DACH1: variants seen among roughly 807,000 people sequenced by gnomAD.
DACH1 encodes dachshund homolog 1.
DACH1 carries 12 observed loss-of-function variants against 54.2 expected under a neutral mutation model. The ratio of observed to expected loss-of-function variants is 0.22; its 90% CI spans 0.14 to 0.36. The LOEUF is 0.36. Among genes scored for constraint, DACH1 ranks in the 10% least tolerant of loss-of-function variants. The pLI is 1.00. For synonymous variants in DACH1, 386 were observed against 366.2 expected (o/e 1.05, Z -0.62); for missense variants, 805 against 929.8 (o/e 0.87, Z 1.75).
At chr13:71,441,948 T>C (rs945854249) in intron 10 of DACH1, among the ~76,000 whole-genome samples, 2 of 152,086 alleles carry the variant, frequency 1.3e-5, no homozygotes, top group African/African-American at 4.8e-5. Flanking sequence ...ATTTATGGGA[T>C]ACACTGCATA....
At chr13:71,754,084 C>T (rs536340400) in intron 1 of DACH1, among the ~76,000 whole-genome samples, 3 of 152,214 alleles carry the variant, frequency 2.0e-5, no homozygotes, top group African/African-American at 7.2e-5. Context: ...TGGAGTATTA[C>T]TTTTATTTTC....
At chr13:71,474,741 A>T (rs960535623) in intron 10 of DACH1, among the ~76,000 whole-genome samples, 3 of 152,178 alleles carry the variant, frequency 2.0e-5, no homozygotes. Context: ...AACTGTCATA[A>T]AAATGAGTAG....
At chr13:71,580,371 T>C (rs1566356246) in intron 3 of DACH1, among the ~76,000 whole-genome samples, 1 of 152,178 alleles carries the variant, frequency 6.6e-6, no homozygotes, top group Non-Finnish European at 1.5e-5. Flanking sequence ...ATATTGTAAT[T>C]TCCCTATGGA....
chr13:71,784,065 AAT>A (rs1886494536), intron 1 of DACH1, among the ~76,000 whole-genome samples: 1 of 152,104 alleles, frequency 6.6e-6, no homozygotes, highest in African/African-American at 2.4e-5. Flanking sequence ...GCCTTTATGA[AAT>A]AGAGAGAGTA....
chr13:71,603,619 T>C (rs888650845), intron 3 of DACH1, among the ~76,000 whole-genome samples: 2 of 151,962 alleles, frequency 1.3e-5, no homozygotes, highest in Non-Finnish European at 2.9e-5. Flanking sequence ...CTTTTCTGTG[T>C]CACATGAAAC....
intron 1 of DACH1, among the ~76,000 whole-genome samples, chr13:71,811,314 A>T (rs1181347769): frequency 6.6e-6 from 1 of 152,186 alleles, no homozygotes; most frequent in Non-Finnish European, 1.5e-5. Context: ...ATAATTAAAA[A>T]GTAGTTATTT....
intron 1 of DACH1, among the ~76,000 whole-genome samples, chr13:71,843,352 A>G (rs962751598): frequency 3.3e-5 from 5 of 152,084 alleles, no homozygotes; most frequent in Admixed American, 3.3e-4. Context: ...CACAACCTCA[A>G]CCTCTGGGGT....
intron 1 of DACH1, among the ~76,000 whole-genome samples, chr13:71,820,128 A>AAG (rs1888127960): frequency 6.7e-6 from 1 of 149,302 alleles, no homozygotes; most frequent in Non-Finnish European, 1.5e-5. Context: ...AAAAAAAAAA[A>AAG]GAATAGGGGC....
chr13:71,539,913 T>A (rs1042590693), intron 6 of DACH1, among the ~76,000 whole-genome samples: 5 of 152,018 alleles, frequency 3.3e-5, no homozygotes, highest in African/African-American at 1.2e-4. Context: ...ATTTTTTACT[T>A]TGTTTTAAAA....
chr13:71,615,212 T>A (rs1280450644), intron 3 of DACH1, among the ~76,000 whole-genome samples: 1 of 152,178 alleles, frequency 6.6e-6, no homozygotes, highest in Non-Finnish European at 1.5e-5. Context: ...AAATACAACT[T>A]CTATTTAAAA....
intron 2 of DACH1, among the ~76,000 whole-genome samples, chr13:71,677,516 TG>T (rs1880648011): frequency 6.6e-6 from 1 of 150,966 alleles, no homozygotes; most frequent in Non-Finnish European, 1.5e-5. Flanking sequence ...GTTTTGTATT[TG>T]TTTTTGTTTT....
intron 3 of DACH1, among the ~76,000 whole-genome samples, chr13:71,609,988 T>C (rs1648395761): frequency 6.6e-6 from 1 of 152,160 alleles, no homozygotes; most frequent in African/African-American, 2.4e-5. Flanking sequence ...ACATAGTCTT[T>C]ATAAATTTGA....
chr13:71,529,183 G>GTTTT (rs10707603), intron 6 of DACH1, among the ~76,000 whole-genome samples: 1 of 80,968 alleles, frequency 1.2e-5, no homozygotes, highest in African/African-American at 4.4e-5. Flanking sequence ...TGTGATTTGG[G>GTTTT]TTTTTTTTTT....
intron 1 of DACH1, among the ~76,000 whole-genome samples, chr13:71,748,898 C>CTTTCTT (rs1368876638): frequency 1.3e-4 from 5 of 39,582 alleles, no homozygotes; most frequent in Non-Finnish European, 2.4e-4. Context: ...TTCTTTCTTT[C>CTTTCTT]TCTTTCTTTC....
At chr13:71,714,360 G>A (rs1882874927) in intron 1 of DACH1, among the ~76,000 whole-genome samples, 1 of 150,092 alleles carries the variant, frequency 6.7e-6, no homozygotes, top group Admixed American at 6.6e-5. Context: ...AAACAAAACA[G>A]GACATGGGCC....
intron 1 of DACH1, among the ~76,000 whole-genome samples, chr13:71,778,285 C>T (rs1886151486): frequency 6.6e-6 from 1 of 151,964 alleles, no homozygotes; most frequent in Non-Finnish European, 1.5e-5. Context: ...AGATTTCTGA[C>T]AATTAACTCA....
Position 71,496,261 on chromosome 13 carries a change from GTATATATATATATATATATATATATATA to G in DACH1, c.1571-7141_1571-7114del, listed in dbSNP as rs35142229. 1.5e-3 allele frequency among the ~76,000 whole-genome samples: 56 copies of G among 37,152 alleles called. 1 individual carries two copies. The highest frequency in any genetic ancestry group is 5.8e-3 in the African/African-American group (45 of 7,798). 24.4% of individuals were successfully genotyped at this position (37,152 alleles called of 152,430 possible). On this transcript the variant is annotated intron_variant, in intron 6 of 10. Transcript: ENST00000613252. ...TCCCAAAAAACAAAAAAATTGCTAT[GTATATATATATATATATATATATATATA>G]TATATATATATATATATACACACAC...
chr13:71,855,023 T>C (rs1172548212), intron 1 of DACH1, among the ~76,000 whole-genome samples: 1 of 152,076 alleles, frequency 6.6e-6, no homozygotes, highest in Non-Finnish European at 1.5e-5. Context: ...AAATAGTTTT[T>C]CCTAGATGAT....
chr13:71,661,494 T>C (rs1434455815), intron 2 of DACH1, among the ~76,000 whole-genome samples: 1 of 152,068 alleles, frequency 6.6e-6, no homozygotes, highest in South Asian at 2.1e-4. Flanking sequence ...GATTAATACA[T>C]CTAAATATGA....
Sources: allele counts gnomAD v4.1 joint callset (sites outside exome capture counted in the v4.1 genomes callset), GRCh38; gene constraint gnomAD v4.1.1; transcripts MANE v1.5; gene names NCBI Gene and HGNC (gene_info 2026-07-23, HGNC 2026-07-21).